CCNJL: variants seen among roughly 807,000 people sequenced by gnomAD.
CCNJL encodes cyclin-J-like protein.
A neutral mutation model predicts 33.4 loss-of-function variants in CCNJL; 33 were observed. The observed-to-expected ratio is 0.99, with a 90% CI of 0.75 to 1.32. The LOEUF (loss-of-function observed/expected upper bound fraction) is 1.32, where lower values mean the gene tolerates loss of function less well. Ranked by LOEUF, CCNJL falls within the 40% of genes most tolerant of loss-of-function variation. The pLI is 0.00. For synonymous variants in CCNJL, 227 were observed against 220.9 expected (o/e 1.03, Z -0.24); for missense variants, 512 against 499.7 (o/e 1.02, Z -0.23).
intron 1 of CCNJL, among the ~76,000 whole-genome samples, chr5:160,339,136 C>T (rs1402223209): frequency 6.6e-6 from 1 of 152,050 alleles, no homozygotes; most frequent in Non-Finnish European, 1.5e-5. Flanking sequence ...AACCACAGTG[C>T]CATGCTCTAG....
intron 3 of CCNJL, chr5:160,269,413 A>G (rs1228150196): frequency 1.1e-5 from 5 of 456,356 alleles, no homozygotes; most frequent in Admixed American, 4.7e-5. Flanking sequence ...TCCTGTCACG[A>G]AAGAAGGTTT....
chr5:160,302,983 A>C (rs1185231481), intron 2 of CCNJL, among the ~76,000 whole-genome samples: 1 of 152,094 alleles, frequency 6.6e-6, no homozygotes, highest in East Asian at 1.9e-4. Context: ...TGCGGAGGGA[A>C]ATTTGGGGAC....
intron 3 of CCNJL, among the ~76,000 whole-genome samples, chr5:160,263,214 G>A (rs571524552): frequency 6.6e-6 from 1 of 152,080 alleles, no homozygotes; most frequent in Admixed American, 6.5e-5. Context: ...TTGCAGACGT[G>A]ACATGCCACC....
chr5:160,259,850 G>A, intron 3 of CCNJL, 79 bp from the exon 4 acceptor site: 1 of 1,182,840 alleles, frequency 8.5e-7, no homozygotes, highest in Non-Finnish European at 1.2e-6. Flanking sequence ...ACCTTACAGT[G>A]CCTGGACATT....
chr5:160,266,819 C>T (rs1440817079), intron 3 of CCNJL, among the ~76,000 whole-genome samples: 3 of 152,184 alleles, frequency 2.0e-5, no homozygotes, highest in African/African-American at 4.8e-5. Flanking sequence ...TACCCTTACC[C>T]GACTCCACAG....
intron 2 of CCNJL, among the ~76,000 whole-genome samples, chr5:160,296,847 A>C (rs1762763628): frequency 6.6e-6 from 1 of 152,168 alleles, no homozygotes; most frequent in African/African-American, 2.4e-5. Context: ...CTCCTCCTTG[A>C]AGCTTTTTAA....
At chr5:160,259,092 A>C (rs1761203947) in intron 4 of CCNJL, among the ~76,000 whole-genome samples, 1 of 152,234 alleles carries the variant, frequency 6.6e-6, no homozygotes, top group Admixed American at 6.5e-5. Context: ...TTTATTGCTA[A>C]AACAGATGTA....
chr5:160,305,591 TA>T (rs1262636430), intron 2 of CCNJL, among the ~76,000 whole-genome samples: 1 of 152,188 alleles, frequency 6.6e-6, no homozygotes, highest in Non-Finnish European at 1.5e-5. Context: ...GAAAACAAAC[TA>T]AAACACAAGA....
intron 2 of CCNJL, among the ~76,000 whole-genome samples, chr5:160,286,308 C>T (rs1762404877): frequency 6.6e-6 from 1 of 152,186 alleles, no homozygotes; most frequent in African/African-American, 2.4e-5. Flanking sequence ...GCGTCCTTTG[C>T]CTTGAGCAGA....
chr5:160,278,302 CCTGTCTAT>C (rs1445810172), intron 3 of CCNJL, among the ~76,000 whole-genome samples: 1 of 152,124 alleles, frequency 6.6e-6, no homozygotes, highest in Non-Finnish European at 1.5e-5. Context: ...GCCCAGCCTT[CCTGTCTAT>C]CTGGAAGCAG....
intron 1 of CCNJL, among the ~76,000 whole-genome samples, chr5:160,333,185 C>T (rs1005625642): frequency 4.0e-5 from 6 of 151,534 alleles, no homozygotes; most frequent in African/African-American, 4.9e-5. Context: ...TGCAGTGGCA[C>T]GCTCTCGGCT....
At chr5:160,287,035 C>T (rs1210351967) in intron 2 of CCNJL, among the ~76,000 whole-genome samples, 1 of 152,160 alleles carries the variant, frequency 6.6e-6, no homozygotes, top group African/African-American at 2.4e-5. Context: ...ACCTCCCGCC[C>T]CCACATACCG....
intron 2 of CCNJL, among the ~76,000 whole-genome samples, chr5:160,287,458 T>C: frequency 6.6e-6 from 1 of 152,248 alleles, no homozygotes; most frequent in Non-Finnish European, 1.5e-5. Context: ...AAAAGGGAGA[T>C]TCTTTGTCAT....
At position 160,280,542 on chromosome 5, in the gene CCNJL, G is replaced by T; in HGVS notation, c.263C>A (p.Ser88Tyr). The T allele has an allele frequency of 6.2e-7, 1 of 1,612,834 alleles. No individual in the cohort carries two copies. The highest frequency in any genetic ancestry group is 8.5e-7 in the Non-Finnish European group (1 of 1,179,988). The change falls in exon 3 of 6, where the codon TCC (serine) becomes TAC (tyrosine). Residue 88 changes from serine (S) to tyrosine (Y), a missense_variant. Coordinates refer to ENST00000257536, the MANE Select transcript of CCNJL (RefSeq NM_001308173.3). ...TCGCTTACTTGCAAGCAGGAGGCAGGAGACGGCCACGGTGTAGAGCTGCTT... is the reference window on the plus strand; with the variant it reads ...TCGCTTACTTGCAAGCAGGAGGCAGTAGACGGCCACGGTGTAGAGCTGCTT... ...TSKQLYTVAVSCLLLASKFED... is the reference protein window; with the variant it reads ...TSKQLYTVAVYCLLLASKFED...
At chr5:160,283,668 G>C (rs768013967) in intron 2 of CCNJL, among the ~76,000 whole-genome samples, 1 of 152,038 alleles carries the variant, frequency 6.6e-6, no homozygotes, top group Non-Finnish European at 1.5e-5. Flanking sequence ...GTACAATTAA[G>C]ATATTGATTA....
intron 2 of CCNJL, among the ~76,000 whole-genome samples, chr5:160,290,464 C>T (rs532560419): frequency 2.5e-3 from 383 of 152,150 alleles, no homozygotes; most frequent in Middle Eastern, 0.01. Flanking sequence ...ACGGGGTTTT[C>T]ACCATGTTGG....
intron 3 of CCNJL, among the ~76,000 whole-genome samples, chr5:160,266,515 C>A (rs1195560518): frequency 1.3e-5 from 2 of 152,150 alleles, no homozygotes; most frequent in African/African-American, 4.8e-5. Flanking sequence ...AGGGGCAGGG[C>A]AGGGGCTCAA....
At chr5:160,286,631 C>G (rs954511639) in intron 2 of CCNJL, among the ~76,000 whole-genome samples, 2 of 151,634 alleles carry the variant, frequency 1.3e-5, no homozygotes, top group African/African-American at 4.9e-5. Flanking sequence ...GAGTGAGACT[C>G]TGTCTCAAAA....
At chr5:160,284,785 G>C (rs1194271716) in intron 2 of CCNJL, among the ~76,000 whole-genome samples, 2 of 152,214 alleles carry the variant, frequency 1.3e-5, no homozygotes, top group African/African-American at 4.8e-5. Context: ...TGAAGAAATT[G>C]AGTTTCAAAA....
Sources: allele counts gnomAD v4.1 joint callset (sites outside exome capture counted in the v4.1 genomes callset), GRCh38; gene constraint gnomAD v4.1.1; transcripts MANE v1.5; gene names NCBI Gene and HGNC (gene_info 2026-07-23, HGNC 2026-07-21).